The following GTF3C2 variants were observed in gnomAD, a reference collection of about 807,000 sequenced individuals.
GTF3C2 encodes the protein general transcription factor IIIC subunit 2.
A neutral mutation model predicts 117.4 loss-of-function variants in GTF3C2; 17 were observed. That is an observed-to-expected ratio of 0.14 (90% confidence interval 0.10 to 0.22). The LOEUF is 0.22. GTF3C2 is among the 10% of genes least tolerant of loss of function. The pLI, the probability that GTF3C2 is intolerant of heterozygous loss-of-function variation, is 1.00. For missense variants in GTF3C2, 888 were observed against 1,143.6 expected, an observed-to-expected ratio of 0.78 and a Z score of 3.22; for synonymous variants, 437 against 427.0, an observed-to-expected ratio of 1.02 and a Z score of -0.29.
intron 1 of GTF3C2, among the ~76,000 whole-genome samples, chr2:27,346,004 T>C (rs10205592): frequency 0.53 from 77,213 of 146,518 alleles, 22,800 homozygotes; most frequent in African/African-American, 0.8. Context: ...CTTGAGCCAC[T>C]GTGCCCCGCC....
At chr2:27,354,056 A>T (rs928459495) in intron 1 of GTF3C2, among the ~76,000 whole-genome samples, 10 of 47,142 alleles carry the variant, frequency 2.1e-4, no homozygotes, top group Admixed American at 4.7e-4. Flanking sequence ...GCAAAACATT[A>T]AAAAAAAAAA....
rs182119049 is a variant in GTF3C2 at position 27,329,694 on chromosome 2, C to T, written c.1733-171G>A. 1.3e-5 allele frequency among the ~76,000 whole-genome samples: 2 copies of T among 152,308 alleles called. No homozygotes were observed. Among genetic ancestry groups the T allele is most frequent in the African/African-American group, 4.8e-5 (2 of 41,558 alleles). ...CAACACTCCCTCCAGGGCTTAAAGA[C>T]TCAACCTGGTATTTTAACCCTAATT... On this transcript the variant is annotated intron_variant, in intron 12 of 18. Coordinates refer to ENST00000264720, the Ensembl canonical transcript of GTF3C2. The surrounding 1 kb of genome is among the most constrained non-coding windows in gnomAD (Gnocchi z 4.5).
chr2:27,327,001 G>A (rs1572560454), intron 18 of GTF3C2, 108 bp from the exon 19 acceptor site: 2 of 736,566 alleles, frequency 2.7e-6, no homozygotes, highest in East Asian at 2.7e-5. Flanking sequence ...TGAAAGGACA[G>A]GACCATGAGG....
At chr2:27,335,426 A>G (rs1680426538) in intron 10 of GTF3C2, 172 bp downstream of exon 10, 2 of 713,936 alleles carry the variant, frequency 2.8e-6, no homozygotes, top group South Asian at 1.5e-5. Context: ...AAGACTGCAA[A>G]AGAGAGAGGG....
At chr2:27,338,066 T>G (rs549332640) in intron 4 of GTF3C2, 46 bp from the exon 5 acceptor site, 1 of 1,177,258 alleles carries the variant, frequency 8.5e-7, no homozygotes, top group East Asian at 2.3e-5. Flanking sequence ...ATTCTACAGG[T>G]TGGACAAAGT....
chr2:27,329,371 T>G lies in GTF3C2; in HGVS notation c.1877+8A>C. 1 of 1,614,044 alleles carries G rather than the reference T, an allele frequency of 6.2e-7. No homozygotes were observed. The highest frequency in any genetic ancestry group is 8.5e-7 in the Non-Finnish European group (1 of 1,179,934). On this transcript the variant is annotated splice_region_variant and intron_variant, in intron 13 of 18. Transcript: ENST00000264720. The surrounding 1 kb of genome is among the most constrained non-coding windows in gnomAD (Gnocchi z 4.5). ...ACCTTCCCCCTCCACATACCTCCTA[T>G]TCCATACCTGTTAGCTTTGCACCAT...
intron 1 of GTF3C2, among the ~76,000 whole-genome samples, chr2:27,354,335 G>A (rs1681248578): frequency 6.6e-6 from 1 of 152,046 alleles, no homozygotes; most frequent in African/African-American, 2.4e-5. Context: ...AACTCAACTA[G>A]TGGAAGCAGA....
chr2:27,350,632 T>C lies in GTF3C2; in HGVS notation c.-25+6107A>G, dbSNP rs894120210. On this transcript the variant is annotated intron_variant, in intron 1 of 18. Coordinates refer to ENST00000264720, the Ensembl canonical transcript of GTF3C2. The stretch of plus-strand genomic sequence containing the variant: ...CTGGGCAACACAGCAAGACTTTGTC[T>C]CTGCAAAAAAATTTTTTTTGAAAAT... 1.9e-5 allele frequency: 8 copies of C among 419,222 alleles called. No individual in the cohort carries two copies. The African/African-American group carries it at 1.9e-4, about 10-fold the overall frequency. 26.0% of individuals were successfully genotyped at this position (419,222 alleles called of 1,614,324 possible).
Position 27,329,173 on chromosome 2 carries a change from A to C in GTF3C2, c.1987T>G (p.Trp663Gly). The change falls in exon 14 of 19, where the codon TGG becomes GGG. Residue 663 changes from tryptophan to glycine, a missense_variant. This residue lies in a region of GTF3C2 where 277 missense variants were observed against 445.4 expected (regional missense o/e 0.62). Transcript: ENST00000264720. The surrounding 1 kb of genome is among the most constrained non-coding windows in gnomAD (Gnocchi z 4.5). Reference sequence around the variant, plus strand: ...GTGACACCATTGTAGGGAAGCAGCCAGGCCAGTTCTGTACTCAAGAAGCGC... The same window carrying C: ...GTGACACCATTGTAGGGAAGCAGCCCGGCCAGTTCTGTACTCAAGAAGCGC... 6.2e-7 allele frequency: 1 copy of C among 1,614,158 alleles called. No individual in the cohort carries two copies. Among genetic ancestry groups the C allele is most frequent in the Non-Finnish European group, 8.5e-7 (1 of 1,180,008 alleles).
In GTF3C2 at chr2:27,329,333, T is replaced by C. The variant is rs1203758702; in HGVS notation, c.1877+46A>G. The C allele has an allele frequency of 5.0e-6, 8 of 1,613,798 alleles. No individual in the cohort carries two copies. The African/African-American group carries it at 1.1e-4, about 22-fold the overall frequency. Reference sequence around the variant, plus strand: ...ATCCAAACAAATCCGGAAGTCAGCCTGTCCCAGTCTTCACCTTCCCCCTCC... The same window carrying C: ...ATCCAAACAAATCCGGAAGTCAGCCCGTCCCAGTCTTCACCTTCCCCCTCC... On this transcript the variant is annotated intron_variant, in intron 13 of 18. Transcript: ENST00000264720. This position sits in a 1 kb window ranked among gnomAD's most constrained non-coding sequence, Gnocchi z 4.5.
At chr2:27,345,143 C>G (rs1198541914) in intron 1 of GTF3C2, among the ~76,000 whole-genome samples, 10 of 152,036 alleles carry the variant, frequency 6.6e-5, no homozygotes, top group African/African-American at 2.4e-4. Context: ...TGGTGCACAC[C>G]TGTAGTCTCA....
chr2:27,333,792 G>C lies in GTF3C2; in HGVS notation c.1603-8C>G, dbSNP rs1390934866. 1.2e-6 allele frequency: 2 copies of C among 1,601,078 alleles called. No individual in the cohort carries two copies. The highest frequency in any genetic ancestry group is 1.3e-5 in the African/African-American group (1 of 74,268). ...AGTTGCCACACATTGTACCTGCAGG[G>C]AAAGAAGAGATGGGACTAGGGTTAG... On this transcript the variant is annotated splice_region_variant and splice_polypyrimidine_tract_variant and intron_variant, in intron 11 of 18. Coordinates refer to ENST00000264720, the Ensembl canonical transcript of GTF3C2.
intron 1 of GTF3C2, among the ~76,000 whole-genome samples, chr2:27,351,200 T>A (rs573147428): frequency 9.9e-5 from 15 of 152,134 alleles, no homozygotes; most frequent in African/African-American, 3.6e-4. Flanking sequence ...TCACCTAAGG[T>A]CAGGAGTTTG....
chr2:27,335,990 C>A (rs1270431136), exon 9 of GTF3C2: 12 of 1,613,760 alleles, frequency 7.4e-6, no homozygotes, highest in Non-Finnish European at 9.3e-6. Context: ...GCCGTTGTCA[C>A]AAGCAATCCC....
At chr2:27,333,537 C>A in intron 12 of GTF3C2, 118 bp downstream of exon 12, 1 of 592,484 alleles carries the variant, frequency 1.7e-6, no homozygotes, top group Non-Finnish European at 2.9e-6. Context: ...TTTTACATTG[C>A]TTGAATATTT....
intron 1 of GTF3C2, among the ~76,000 whole-genome samples, chr2:27,348,649 C>A (rs1016019822): frequency 3.4e-5 from 5 of 146,034 alleles, no homozygotes; most frequent in African/African-American, 1.3e-4. Context: ...AGTAAAAATA[C>A]AAAAATTAGC....
chr2:27,329,663 G>T lies in GTF3C2; in HGVS notation c.1733-140C>A. ...TGAAAGGATGTGGGGATCCTGATTA[G>T]CTATCCAACACTCCCTCCAGGGCTT... On this transcript the variant is annotated intron_variant, in intron 12 of 18. Transcript: ENST00000264720. This position sits in a 1 kb window ranked among gnomAD's most constrained non-coding sequence, Gnocchi z 4.5. 1 of 746,882 alleles carries T rather than the reference G, an allele frequency of 1.3e-6. No individual in the cohort carries two copies. 46.3% of individuals were successfully genotyped at this position (746,882 alleles called of 1,614,324 possible).
At chr2:27,337,130 C>T (rs1432773826) in intron 7 of GTF3C2, 114 bp downstream of exon 7, 4 of 660,734 alleles carry the variant, frequency 6.1e-6, no homozygotes, top group Non-Finnish European at 1.1e-5. Context: ...TTCTTGGGAC[C>T]AACTGAACCA....
intron 4 of GTF3C2, among the ~76,000 whole-genome samples, chr2:27,341,247 T>C (rs13411291): frequency 0.044 from 6,713 of 151,410 alleles, 478 homozygotes; most frequent in African/African-American, 0.15. Context: ...TATTGGTCAG[T>C]CTGGTCTCAA....
Sources: gnomAD v4.1 joint callset for allele counts (sites outside exome capture counted in the v4.1 genomes callset) on GRCh38, gnomAD v4.1.1 for gene constraint, gnomAD v4.1.1 regional missense constraint, Gnocchi (gnomAD v3.1) non-coding constraint, MANE v1.5 for transcripts, NCBI Gene and HGNC (gene_info 2026-07-23, HGNC 2026-07-21) for gene names.